The following ANKRD30A variants were observed in gnomAD, a reference collection of about 807,000 sequenced individuals.
The protein encoded by ANKRD30A is ankyrin repeat domain 30A.
In ANKRD30A, 170 loss-of-function variants were observed where a neutral mutation model predicts 166.3. The observed-to-expected ratio is 1.02, with a 90% confidence interval of 0.90 to 1.16. The LOEUF is 1.16. ANKRD30A is among the 50% of genes most tolerant of loss of function. The pLI, the probability that ANKRD30A is intolerant of heterozygous loss-of-function variation, is 0.00. For synonymous variants in ANKRD30A, 564 were observed against 508.9 expected, an observed-to-expected ratio of 1.11 and a Z score of -1.46; for missense variants, 1,630 against 1,518.0, an observed-to-expected ratio of 1.07 and a Z score of -1.23.
intron 34 of ANKRD30A, 82 bp downstream of exon 34, chr10:37,219,979 A>C: frequency 7.0e-6 from 3 of 428,570 alleles, no homozygotes; most frequent in Non-Finnish European, 1.1e-5. Flanking sequence ...TAAATGCTGA[A>C]TCTAGTTGAA....
intron 34 of ANKRD30A, among the ~76,000 whole-genome samples, chr10:37,223,771 G>A (rs558786752): frequency 1.3e-5 from 2 of 151,116 alleles, no homozygotes; most frequent in East Asian, 3.9e-4. Context: ...AATATTTTTA[G>A]GAAAGAAGAG....
intron 31 of ANKRD30A, among the ~76,000 whole-genome samples, chr10:37,209,361 A>G (rs2132714919): frequency 6.6e-6 from 1 of 152,224 alleles, no homozygotes; most frequent in South Asian, 2.1e-4. Flanking sequence ...AGGCCTGTGG[A>G]AGCTTACAAT....
At position 37,210,308 on chromosome 10, in the gene ANKRD30A, C is replaced by T. The variant is rs114234587; in HGVS notation, c.2870-5873C>T. On this transcript the variant is annotated intron_variant, in intron 31 of 35. Transcript: ENST00000361713. ...GACATGAATTCATATCCTTTTTTAT[C>T]ACTGCATAGTATTTTATGGTGTATA... is the stretch of plus-strand genomic sequence containing the variant. 2.6e-5 allele frequency among the ~76,000 whole-genome samples: 4 copies of T among 152,076 alleles called. No homozygotes were observed. The East Asian group carries it at 7.8e-4, about 30-fold the overall frequency.
intron 13 of ANKRD30A, among the ~76,000 whole-genome samples, chr10:37,155,918 A>G (rs1298538377): frequency 6.6e-6 from 1 of 151,978 alleles, no homozygotes; most frequent in Non-Finnish European, 1.5e-5. Flanking sequence ...CATCTCTACT[A>G]AAAATACAAA....
Position 37,162,653 on chromosome 10 carries a change from T to C in ANKRD30A, c.1905T>C (p.Pro635=), listed in dbSNP as rs1296231066. ...TAAATCTCTTTTGCTTTTTAGAGCCTCCGGGGAAGCCATCTGCCTTCGAGG... is the reference window on the plus strand; with the variant it reads ...TAAATCTCTTTTGCTTTTTAGAGCCCCCGGGGAAGCCATCTGCCTTCGAGG... The part of the protein sequence containing the change: ...LKDMQTFKAE[P]PGKPSAFEPA... Residue 635 remains proline, a synonymous_variant, in exon 16 of 36, where the codon CCT becomes CCC. Transcript: ENST00000361713. 6 of 1,612,134 alleles carry C rather than the reference T, an allele frequency of 3.7e-6. No individual in the cohort carries two copies. The highest frequency in any genetic ancestry group is 5.1e-6 in the Non-Finnish European group (6 of 1,179,766).
rs565975465 is a variant in ANKRD30A at position 37,192,354 on chromosome 10, T to C, written c.2513-710T>C. 9.9e-5 allele frequency among the ~76,000 whole-genome samples: 15 copies of C among 152,132 alleles called. No individual in the cohort carries two copies. In the East Asian group the frequency reaches 1.7e-3, roughly 18 times the overall value. ...CCACTGCACCTGGCCTGTATTGGTT[T>C]GTTGATGGGTATGCTTGGACCTTTT... On this transcript the variant is annotated intron_variant, in intron 25 of 35. Transcript: ENST00000361713.
At chr10:37,165,919 A>C (rs1311164264) in intron 18 of ANKRD30A, among the ~76,000 whole-genome samples, 1 of 152,096 alleles carries the variant, frequency 6.6e-6, no homozygotes, top group South Asian at 2.1e-4. Context: ...GTCAATAGGT[A>C]GATTTTATCT....
rs758665026 is a variant in ANKRD30A at position 37,162,647 on chromosome 10, A to G, written c.1901-2A>G. On this transcript the variant is annotated splice_acceptor_variant, in intron 15 of 35. Coordinates refer to ENST00000361713, the MANE Select transcript of ANKRD30A (RefSeq NM_052997.3). LOFTEE classifies it high-confidence loss of function. ...TGATGATAAATCTCTTTTGCTTTTT[A>G]GAGCCTCCGGGGAAGCCATCTGCCT... The G allele has an allele frequency of 3.1e-6, 5 of 1,612,046 alleles. No homozygotes were observed. Among genetic ancestry groups the G allele is most frequent in the Middle Eastern group, 2.1e-4 (1 of 4,750 alleles).
chr10:37,221,799 C>A (rs1225544916), intron 34 of ANKRD30A, among the ~76,000 whole-genome samples: 1 of 151,090 alleles, frequency 6.6e-6, no homozygotes, highest in Admixed American at 6.6e-5. Context: ...GCGAGGCAAG[C>A]CATATTTAAT....
chr10:37,139,301 G>A (rs1426659284), intron 6 of ANKRD30A, among the ~76,000 whole-genome samples: 1 of 152,224 alleles, frequency 6.6e-6, no homozygotes, highest in Non-Finnish European at 1.5e-5. Flanking sequence ...GCTGATTACA[G>A]ACACCAAGGA....
Position 37,159,771 on chromosome 10 carries a change from C to T in ANKRD30A, c.1900+1185C>T, listed in dbSNP as rs180831391. ...AGTGCCATGGCGCGATCTCGGCTCA[C>T]GCAAGCTCTGCCTCCCGGGTTCACG... On this transcript the variant is annotated intron_variant, in intron 15 of 35. Coordinates refer to ENST00000361713, the MANE Select transcript of ANKRD30A (RefSeq NM_052997.3). Among the ~76,000 whole-genome samples the T allele has an allele frequency of 4.7e-4, 72 of 152,166 alleles. 2 individuals carry two copies. Among genetic ancestry groups the T allele is most frequent in the African/African-American group, 1.4e-3 (60 of 41,518 alleles).
intron 6 of ANKRD30A, 130 bp from the exon 7 acceptor site, chr10:37,141,588 A>AT (rs1445226485): frequency 2.3e-6 from 3 of 1,318,154 alleles, no homozygotes; most frequent in African/African-American, 1.5e-5. Context: ...AAAAAAAAAA[A>AT]AAAAAGAGAA....
intron 32 of ANKRD30A, 90 bp from the exon 33 acceptor site, chr10:37,217,605 A>G (rs1842668079): frequency 9.5e-7 from 1 of 1,049,846 alleles, no homozygotes; most frequent in Non-Finnish European, 1.3e-6. Context: ...ATTTTATTGG[A>G]CTAATAACCC....
the ANKRD30A span, among the ~76,000 whole-genome samples, chr10:37,257,354 T>G: frequency 1.3e-5 from 2 of 151,440 alleles, no homozygotes; most frequent in African/African-American, 4.8e-5. Flanking sequence ...AAACAGCTCC[T>G]GGATTCATTG....
rs1252074300 is a variant in ANKRD30A at position 37,214,853 on chromosome 10, T to C, written c.2870-1328T>C. Among the ~76,000 whole-genome samples, 3 of 151,470 alleles carry C rather than the reference T, an allele frequency of 2.0e-5. No individual in the cohort carries two copies. In the East Asian group the frequency reaches 5.9e-4, roughly 30 times the overall value. On this transcript the variant is annotated intron_variant, in intron 31 of 35. Coordinates refer to ENST00000361713, the MANE Select transcript of ANKRD30A (RefSeq NM_052997.3). The stretch of plus-strand genomic sequence containing the variant: ...TGTAGCTTTCATTAAGTTTAGAATG[T>C]ATTTAGCCAATTTTTCCTCAAATGT...
chr10:37,238,645 A>G, the ANKRD30A span, among the ~76,000 whole-genome samples: 5 of 152,218 alleles, frequency 3.3e-5, no homozygotes, highest in Non-Finnish European at 5.9e-5. Context: ...ATTCATAAAC[A>G]GGCTATAAAG....
intron 31 of ANKRD30A, among the ~76,000 whole-genome samples, chr10:37,207,249 G>A (rs1035381637): frequency 6.6e-6 from 1 of 152,092 alleles, no homozygotes; most frequent in African/African-American, 2.4e-5. Flanking sequence ...CATTGTAACT[G>A]TGTACCTTCT....
chr10:37,253,848 C>T, the ANKRD30A span, among the ~76,000 whole-genome samples: 9 of 152,070 alleles, frequency 5.9e-5, no homozygotes, highest in Admixed American at 4.6e-4. Context: ...GACAGGGTGT[C>T]ACTATGTTAG....
At chr10:37,146,072 G>T (rs1027591197) in intron 8 of ANKRD30A, among the ~76,000 whole-genome samples, 2 of 152,280 alleles carry the variant, frequency 1.3e-5, no homozygotes, top group African/African-American at 4.8e-5. Context: ...GGAAGTGCCT[G>T]ACCTCTTAGA....
Sources: allele counts gnomAD v4.1 joint callset (sites outside exome capture counted in the v4.1 genomes callset), GRCh38; gene constraint gnomAD v4.1.1; transcripts MANE v1.5; gene names NCBI Gene and HGNC (gene_info 2026-07-23, HGNC 2026-07-21).